Variants in SEMA4D observed in about 807,000 individuals in gnomAD.
SEMA4D encodes the protein semaphorin 4D.
In SEMA4D, 22 loss-of-function variants were observed where a neutral mutation model predicts 74.8. That is an observed-to-expected ratio of 0.29 (90% CI 0.21 to 0.42). The LOEUF (loss-of-function observed/expected upper bound fraction) is 0.42, where lower values mean the gene tolerates loss of function less well. Among genes scored for constraint, SEMA4D ranks in the 10% least tolerant of loss-of-function variants. The pLI is 1.00. For missense variants in SEMA4D, 937 were observed against 1,118.4 expected, an observed-to-expected ratio of 0.84 and a Z score of 2.31; for synonymous variants, 445 against 463.7, an observed-to-expected ratio of 0.96 and a Z score of 0.52.
At chr9:89,486,394 T>A (rs1312495900) in intron 1 of SEMA4D, among the ~76,000 whole-genome samples, 1 of 152,194 alleles carries the variant, frequency 6.6e-6, no homozygotes, top group Non-Finnish European at 1.5e-5. Flanking sequence ...TACCTTGATT[T>A]GGTGTGGAAA....
At chr9:89,444,613 G>T (rs1852401727) in intron 2 of SEMA4D, among the ~76,000 whole-genome samples, 2 of 151,856 alleles carry the variant, frequency 1.3e-5, no homozygotes, top group African/African-American at 4.8e-5. Flanking sequence ...AAACAAAATT[G>T]CCCTCCCCCA....
intron 1 of SEMA4D, among the ~76,000 whole-genome samples, chr9:89,489,784 TAC>T (rs1330266197): frequency 3.9e-5 from 6 of 152,374 alleles, no homozygotes; most frequent in African/African-American, 1.4e-4. Context: ...GTCCTTTGGC[TAC>T]TGGAATAGTG....
intron 2 of SEMA4D, chr9:89,418,116 T>C: frequency 1.0e-6 from 1 of 985,048 alleles, no homozygotes; most frequent in African/African-American, 1.7e-5. Flanking sequence ...TCAGAAATCT[T>C]TGCTGTGAAA....
In SEMA4D at chr9:89,421,790, CGT is replaced by C. The variant is rs201321086; in HGVS notation, c.-243-16093_-243-16092del. ...TCTGTGCAGGCACATGGTGTGTGAC[CGT>C]GTGTGTGCGTGTGTGTGTGTGTGTG... On this transcript the variant is annotated intron_variant, in intron 2 of 15. Transcript: ENST00000422704. Among the ~76,000 whole-genome samples the C allele has an allele frequency of 3.2e-3, 489 of 151,036 alleles. 6 individuals carry two copies. In the East Asian group the frequency reaches 0.05, roughly 15 times the overall value.
chr9:89,394,314 A>G (rs1367025825), intron 6 of SEMA4D, among the ~76,000 whole-genome samples: 1 of 152,230 alleles, frequency 6.6e-6, no homozygotes, highest in African/African-American at 2.4e-5. Flanking sequence ...CACATGGGGA[A>G]ATAATACGGC....
chr9:89,477,471 G>A (rs1315322167), intron 1 of SEMA4D, among the ~76,000 whole-genome samples: 1 of 152,202 alleles, frequency 6.6e-6, no homozygotes, highest in Non-Finnish European at 1.5e-5. Flanking sequence ...AGACTGGAGA[G>A]ACCTCCACTG....
Position 89,384,727 on chromosome 9 carries a change from C to T in SEMA4D, c.1446+1640G>A, listed in dbSNP as rs1254934866. ...GTGAGGGTGGAGGCACAGCGCACCT[C>T]CCCAGCTGTAGGACAGGGGGAGGGC... is the stretch of plus-strand genomic sequence containing the variant. On this transcript the variant is annotated intron_variant, in intron 13 of 15. Transcript: ENST00000422704. 4 of 985,320 alleles carry T rather than the reference C, an allele frequency of 4.1e-6. No individual in the cohort carries two copies. The East Asian group carries it at 4.5e-4, about 112-fold the overall frequency. The allele number at this position is 985,320 out of a possible 1,614,324, so 61.0% of individuals were successfully genotyped here. A position where few individuals can be genotyped will look rare whatever the true frequency, so the allele number is the denominator to read the frequency against.
intron 2 of SEMA4D, among the ~76,000 whole-genome samples, chr9:89,414,038 CTGG>C (rs1845142987): frequency 6.6e-6 from 1 of 152,206 alleles, no homozygotes; most frequent in South Asian, 2.1e-4. Context: ...AAAATGCCAT[CTGG>C]GGACTGTCCA....
At chr9:89,387,268 G>A in intron 12 of SEMA4D, 118 bp downstream of exon 12, 1 of 830,690 alleles carries the variant, frequency 1.2e-6, no homozygotes, top group Non-Finnish European at 1.9e-6. Context: ...AACCTCCCAG[G>A]TCACCTCGAG....
rs181451761 is a variant in SEMA4D at position 89,470,534 on chromosome 9, G to A, written c.-309-14581C>T. Among the ~76,000 whole-genome samples, 9 of 152,242 alleles carry A rather than the reference G, an allele frequency of 5.9e-5. No homozygotes were observed. The East Asian group carries it at 1.2e-3, about 20-fold the overall frequency. On this transcript the variant is annotated intron_variant, in intron 1 of 15. Transcript: ENST00000422704. ...GCTGGTGAGACTGTAATATGGTACCGCCACACTAGAAAAGACTTGGGCAGT... is the reference window on the plus strand; with the variant it reads ...GCTGGTGAGACTGTAATATGGTACCACCACACTAGAAAAGACTTGGGCAGT...
intron 2 of SEMA4D, among the ~76,000 whole-genome samples, chr9:89,441,063 T>C (rs1462501782): frequency 2.0e-5 from 3 of 152,250 alleles, no homozygotes; most frequent in Admixed American, 6.5e-5. Context: ...GCCACTCTCC[T>C]GGGCAAGCTG....
At position 89,379,017 on chromosome 9, in the gene SEMA4D, T is replaced by A; in HGVS notation, c.2276A>T (p.Tyr759Phe). ...GAATTTCAAGCACTGTCTGGGCAGG[T>A]ATCCCTTATAGCAGTTGTAGAAAAA... ...CLFFYNCYKG[Y>F]LPRQCLKFRS... Residue 759 changes from tyrosine (Y) to phenylalanine (F), a missense_variant, in exon 16 of 16, where the codon TAC (tyrosine) becomes TTC (phenylalanine). Coordinates refer to ENST00000422704, the MANE Select transcript of SEMA4D (RefSeq NM_001371194.2). 1 of 1,611,852 alleles carries A rather than the reference T, an allele frequency of 6.2e-7. No homozygotes were observed. Among genetic ancestry groups the A allele is most frequent in the Non-Finnish European group, 8.5e-7 (1 of 1,178,800 alleles).
At chr9:89,485,113 G>A (rs1825071602) in intron 1 of SEMA4D, among the ~76,000 whole-genome samples, 1 of 152,154 alleles carries the variant, frequency 6.6e-6, no homozygotes, top group African/African-American at 2.4e-5. Flanking sequence ...CAAGCACCAA[G>A]GAGAAAACAG....
chr9:89,464,754 T>C (rs975200246), intron 1 of SEMA4D, among the ~76,000 whole-genome samples: 5 of 151,796 alleles, frequency 3.3e-5, no homozygotes, highest in African/African-American at 1.2e-4. Context: ...TTGGGTCCAT[T>C]AGGAAATGGG....
chr9:89,377,228 C>A, downstream of SEMA4D: 1 of 886,080 alleles, frequency 1.1e-6, no homozygotes. Flanking sequence ...GGAATGTCTT[C>A]CCCAAATCAA....
chr9:89,443,721 T>C (rs1182360734), intron 2 of SEMA4D, among the ~76,000 whole-genome samples: 1 of 152,156 alleles, frequency 6.6e-6, no homozygotes, highest in Non-Finnish European at 1.5e-5. Flanking sequence ...TGAAACTCTC[T>C]ACCCTCCCTC....
chr9:89,450,113 G>A, intron 2 of SEMA4D: 1 of 1,242,510 alleles, frequency 8.0e-7, no homozygotes. Context: ...TAGAAGGTAT[G>A]CTGTCACACC....
At chr9:89,412,532 C>T (rs9410477) in intron 2 of SEMA4D, among the ~76,000 whole-genome samples, 40,642 of 152,182 alleles carry the variant, frequency 0.27, 5,758 homozygotes, top group Middle Eastern at 0.4. Context: ...CCAATCCAGA[C>T]ACTGCCATGT....
At chr9:89,434,274 C>G (rs536240593) in intron 2 of SEMA4D, among the ~76,000 whole-genome samples, 1 of 152,188 alleles carries the variant, frequency 6.6e-6, no homozygotes, top group South Asian at 2.1e-4. Context: ...AGGGAGGGGT[C>G]TCGGTCTAGG....
Sources: allele counts gnomAD v4.1 joint callset (sites outside exome capture counted in the v4.1 genomes callset), GRCh38; gene constraint gnomAD v4.1.1; transcripts MANE v1.5; gene names NCBI Gene and HGNC (gene_info 2026-07-23, HGNC 2026-07-21).